Variants in RBFOX1 observed in about 807,000 individuals in gnomAD.
RBFOX1 encodes RNA binding fox-1 homolog 1.
RBFOX1 carries 8 observed loss-of-function variants against 57.7 expected under a neutral mutation model. The observed-to-expected ratio is 0.14, with a 90% confidence interval of 0.08 to 0.25. RBFOX1 has a LOEUF of 0.25. Ranked by LOEUF, RBFOX1 falls within the 10% of genes least tolerant of loss-of-function variation. RBFOX1 has a pLI of 1.00. For missense variants in RBFOX1, 611 were observed against 548.5 expected (o/e 1.11, Z -1.14); for synonymous variants, 326 against 222.4 (o/e 1.47, Z -4.15).
At chr16:6,622,093 T>G (rs1448104973) in intron 2 of RBFOX1, among the ~76,000 whole-genome samples, 1 of 152,180 alleles carries the variant, frequency 6.6e-6, no homozygotes, top group Admixed American at 6.5e-5. Flanking sequence ...TATGGAATAT[T>G]ATTAAATAGT....
At chr16:6,658,484 G>C (rs1293044045) in intron 3 of RBFOX1, among the ~76,000 whole-genome samples, 1 of 152,104 alleles carries the variant, frequency 6.6e-6, no homozygotes, top group African/African-American at 2.4e-5. Context: ...TGGGATTACA[G>C]GCATGAGCCA....
intron 3 of RBFOX1, among the ~76,000 whole-genome samples, chr16:5,701,953 G>C (rs933986340): frequency 6.6e-6 from 1 of 152,212 alleles, no homozygotes; most frequent in South Asian, 2.1e-4. Flanking sequence ...GGAGACCTCT[G>C]TCTTGTTTCC....
chr16:7,363,495 G>GAAA (rs138475943), intron 4 of RBFOX1, among the ~76,000 whole-genome samples: 8 of 149,260 alleles, frequency 5.4e-5, no homozygotes, highest in Non-Finnish European at 1.0e-4. Flanking sequence ...GCTAATAAAG[G>GAAA]AAAAAAAAAA....
intron 3 of RBFOX1, among the ~76,000 whole-genome samples, chr16:7,042,358 C>T (rs902334926): frequency 6.6e-6 from 1 of 152,100 alleles, no homozygotes; most frequent in African/African-American, 2.4e-5. Flanking sequence ...AATGGTGATT[C>T]AGAGAGGAAA....
chr16:6,943,793 A>T (rs932775448), intron 3 of RBFOX1, among the ~76,000 whole-genome samples: 1 of 151,974 alleles, frequency 6.6e-6, no homozygotes, highest in Admixed American at 6.6e-5. Context: ...CCACTCATAG[A>T]CTGTTAAGTG....
At chr16:5,351,348 C>CT (rs1462332485) in intron 1 of RBFOX1, among the ~76,000 whole-genome samples, 4 of 152,180 alleles carry the variant, frequency 2.6e-5, no homozygotes, top group Non-Finnish European at 5.9e-5. Flanking sequence ...GATACATTCA[C>CT]TGTACCCCCT....
At chr16:6,834,262 A>T (rs983387463) in intron 3 of RBFOX1, among the ~76,000 whole-genome samples, 4 of 151,756 alleles carry the variant, frequency 2.6e-5, no homozygotes, top group African/African-American at 4.8e-5. Flanking sequence ...TTTAGTAGAG[A>T]TGGGGGTTTC....
intron 2 of RBFOX1, among the ~76,000 whole-genome samples, chr16:6,497,023 C>T (rs142990490): frequency 5.3e-5 from 8 of 152,310 alleles, no homozygotes; most frequent in African/African-American, 1.9e-4. Flanking sequence ...ACGAGAGGCA[C>T]TGTGTCTTGG....
intron 14 of RBFOX1, among the ~76,000 whole-genome samples, chr16:7,704,647 C>T (rs1007627986): frequency 5.7e-4 from 87 of 152,136 alleles, no homozygotes; most frequent in Non-Finnish European, 5.1e-4. Flanking sequence ...ATGGAGTTCT[C>T]GTTCCAGGAG....
At chr16:7,292,757 G>T (rs562406825) in intron 4 of RBFOX1, among the ~76,000 whole-genome samples, 103 of 152,048 alleles carry the variant, frequency 6.8e-4, no homozygotes, top group Non-Finnish European at 1.2e-3. Flanking sequence ...AAATAGTCTT[G>T]AATTATTTTA....
chr16:7,408,072 T>A (rs1182290726), intron 4 of RBFOX1, among the ~76,000 whole-genome samples: 1 of 152,172 alleles, frequency 6.6e-6, no homozygotes, highest in Non-Finnish European at 1.5e-5. Flanking sequence ...GCTGGCAAGC[T>A]CCCTTAGGGA....
rs549177332 is a variant in RBFOX1 at position 6,292,039 on chromosome 16, C to T, written c.-126-24956C>T. 3.9e-5 allele frequency among the ~76,000 whole-genome samples: 6 copies of T among 152,188 alleles called. No individual in the cohort carries two copies. In the East Asian group the frequency reaches 1.2e-3, roughly 29 times the overall value. ...AGTAAAAAAAATGGCTTTATGTCCA[C>T]TGTCAGTGAATACTGCTGTGCCTTT... is the stretch of plus-strand genomic sequence containing the variant. On this transcript the variant is annotated intron_variant, in intron 1 of 15. Coordinates refer to ENST00000550418, the MANE Select transcript of RBFOX1 (RefSeq NM_018723.4).
At chr16:5,825,654 C>A (rs1053366768) in intron 3 of RBFOX1, among the ~76,000 whole-genome samples, 2 of 152,158 alleles carry the variant, frequency 1.3e-5, no homozygotes, top group African/African-American at 4.8e-5. Flanking sequence ...ACAGCCATCA[C>A]CACTGTCTGC....
chr16:5,828,203 C>G (rs2056142342), intron 3 of RBFOX1, among the ~76,000 whole-genome samples: 2 of 152,138 alleles, frequency 1.3e-5, no homozygotes, highest in African/African-American at 2.4e-5. Context: ...GTCCGCTCAT[C>G]CATCCACCCA....
intron 4 of RBFOX1, among the ~76,000 whole-genome samples, chr16:7,190,491 C>A (rs531987472): frequency 1.3e-3 from 199 of 151,076 alleles, no homozygotes; most frequent in African/African-American, 4.8e-3. Flanking sequence ...ATCATCCAGG[C>A]ATTTTTTTTT....
chr16:7,698,133 G>C (rs2079383101), intron 14 of RBFOX1, among the ~76,000 whole-genome samples: 1 of 151,924 alleles, frequency 6.6e-6, no homozygotes, highest in Non-Finnish European at 1.5e-5. Context: ...GCTAGTCCCT[G>C]AAAACCCCAG....
rs543056195 is a variant in RBFOX1, at chr16:6,494,325, G to C, written c.-63-160278G>C. On this transcript the variant is annotated intron_variant, in intron 2 of 15. Coordinates refer to ENST00000550418, the MANE Select transcript of RBFOX1 (RefSeq NM_018723.4). ...ACCGCCACAGGTAAGGTACTGAGCA[G>C]TTCCATCCTGAGGTTCCATTTGTAT... is the stretch of plus-strand genomic sequence containing the variant. Among the ~76,000 whole-genome samples, 249 of 152,282 alleles carry C rather than the reference G, an allele frequency of 1.6e-3. 3 individuals carry two copies. Among genetic ancestry groups the C allele is most frequent in the Non-Finnish European group, 3.3e-3 (222 of 68,028 alleles).
chr16:6,212,615 G>A (rs1244062849), intron 1 of RBFOX1, among the ~76,000 whole-genome samples: 1 of 152,148 alleles, frequency 6.6e-6, no homozygotes, highest in Non-Finnish European at 1.5e-5. Flanking sequence ...GCTGAGGCTG[G>A]AGAATGGCGT....
intron 2 of RBFOX1, among the ~76,000 whole-genome samples, chr16:5,555,007 C>T (rs912943216): frequency 2.6e-5 from 4 of 152,108 alleles, no homozygotes; most frequent in African/African-American, 9.7e-5. Flanking sequence ...TGGTCACAGA[C>T]TGCACTGGGT....
Sources: gnomAD v4.1 joint callset for allele counts (sites outside exome capture counted in the v4.1 genomes callset) on GRCh38, gnomAD v4.1.1 for gene constraint, MANE v1.5 for transcripts, NCBI Gene and HGNC (gene_info 2026-07-23, HGNC 2026-07-21) for gene names.